RORB: variants seen among roughly 807,000 people sequenced by gnomAD.
RORB encodes RAR related orphan receptor B, also known as nuclear receptor ROR-beta.
In RORB, 6 loss-of-function variants were observed where a neutral mutation model predicts 59.1. The observed-to-expected ratio is 0.10, with a 90% CI of 0.06 to 0.20. The LOEUF (loss-of-function observed/expected upper bound fraction) is 0.20. RORB is among the 10% of genes least tolerant of loss of function. RORB has a pLI of 1.00. For missense variants in RORB, 320 were observed against 560.5 expected (o/e 0.57, Z 4.33); for synonymous variants, 215 against 204.5 (o/e 1.05, Z -0.44).
At chr9:74,630,192 C>A in intron 1 of RORB, 90 bp from the exon 2 acceptor site, 2 of 1,512,600 alleles carry the variant, frequency 1.3e-6, no homozygotes, top group East Asian at 2.3e-5. Flanking sequence ...ATACAAACAT[C>A]AAGGCAGAGA....
chr9:74,597,880 C>G (rs1298232272), intron 1 of RORB, among the ~76,000 whole-genome samples: 1 of 151,998 alleles, frequency 6.6e-6, no homozygotes, highest in African/African-American at 2.4e-5. Context: ...ATCGCTTGAA[C>G]CCGGGAGGCA....
intron 1 of RORB, among the ~76,000 whole-genome samples, chr9:74,537,156 A>G (rs1826333199): frequency 6.6e-6 from 1 of 152,030 alleles, no homozygotes; most frequent in African/African-American, 2.4e-5. Context: ...AATTTAATGT[A>G]GTTTTCTAGA....
intron 1 of RORB, among the ~76,000 whole-genome samples, chr9:74,568,737 A>C (rs1822506180): frequency 6.6e-6 from 1 of 151,714 alleles, no homozygotes; most frequent in Non-Finnish European, 1.5e-5. Flanking sequence ...ATTAACTGGA[A>C]GTTTGTCTTT....
intron 1 of RORB, among the ~76,000 whole-genome samples, chr9:74,599,132 G>A (rs924558227): frequency 7.9e-5 from 12 of 152,132 alleles, no homozygotes; most frequent in Admixed American, 2.6e-4. Context: ...AATTTTGGTG[G>A]TGACAAACTC....
chr9:74,547,568 T>C (rs1478352914), intron 1 of RORB, among the ~76,000 whole-genome samples: 1 of 152,176 alleles, frequency 6.6e-6, no homozygotes, highest in African/African-American at 2.4e-5. Context: ...TGATGATATT[T>C]GTACCCAGAT....
chr9:74,543,698 G>A (rs1041514909), intron 1 of RORB, among the ~76,000 whole-genome samples: 4 of 152,122 alleles, frequency 2.6e-5, no homozygotes, highest in African/African-American at 9.7e-5. Flanking sequence ...AAAACAAATT[G>A]AGTCAGTAAA....
chr9:74,584,374 T>A (rs1487757990), intron 1 of RORB, among the ~76,000 whole-genome samples: 2 of 152,246 alleles, frequency 1.3e-5, no homozygotes, highest in Non-Finnish European at 2.9e-5. Context: ...CCTCTCAGTT[T>A]TCTTATGCAA....
At chr9:74,588,636 G>A (rs1018366987) in intron 1 of RORB, among the ~76,000 whole-genome samples, 12 of 152,086 alleles carry the variant, frequency 7.9e-5, no homozygotes, top group South Asian at 2.1e-4. Context: ...TTCATCATCC[G>A]GTTAACTTTT....
chr9:74,583,870 A>G (rs1195891334), intron 1 of RORB, among the ~76,000 whole-genome samples: 1 of 152,216 alleles, frequency 6.6e-6, no homozygotes, highest in Non-Finnish European at 1.5e-5. Context: ...TCCCTCTATA[A>G]AGCAGAATTC....
At chr9:74,672,347 T>A (rs1824361398) in intron 9 of RORB, among the ~76,000 whole-genome samples, 1 of 152,198 alleles carries the variant, frequency 6.6e-6, no homozygotes, top group South Asian at 2.1e-4. Context: ...TGGACTACTG[T>A]GTAAAGCAGT....
chr9:74,520,012 G>A lies in RORB; in HGVS notation c.7+22029G>A, dbSNP rs149046813. Among the ~76,000 whole-genome samples the A allele has an allele frequency of 5.1e-4, 77 of 151,796 alleles. No individual in the cohort carries two copies. In the East Asian group the frequency reaches 7.4e-3, roughly 15 times the overall value. The stretch of plus-strand genomic sequence containing the variant: ...TATATATTATCCTTGAAAACTGAAA[G>A]GCCCACTTTGCTAACTGCTACACAC... On this transcript the variant is annotated intron_variant, in intron 1 of 9. Coordinates refer to ENST00000376896, the MANE Select transcript of RORB (RefSeq NM_006914.4).
At chr9:74,597,685 A>T (rs7852658) in intron 1 of RORB, among the ~76,000 whole-genome samples, 71,252 of 152,040 alleles carry the variant, frequency 0.47, 17,042 homozygotes, top group East Asian at 0.77. Context: ...GTGGCTGGGC[A>T]TGGTGGCTCA....
chr9:74,536,078 C>G (rs1357317042), intron 1 of RORB, among the ~76,000 whole-genome samples: 4 of 152,002 alleles, frequency 2.6e-5, no homozygotes, highest in African/African-American at 9.7e-5. Flanking sequence ...TATTTCTCTG[C>G]TTACATGAAG....
chr9:74,497,874 G>A lies in RORB; in HGVS notation c.-103G>A. 1 of 1,438,336 alleles carries A rather than the reference G, an allele frequency of 7.0e-7. No individual in the cohort carries two copies. Among genetic ancestry groups the A allele is most frequent in the African/African-American group, 1.4e-5 (1 of 71,520 alleles). The allele number at this position is 1,438,336 out of a possible 1,614,324, so 89.1% of individuals were successfully genotyped here. On this transcript the variant is annotated 5_prime_UTR_variant, in exon 1 of 10. Coordinates refer to ENST00000376896, the MANE Select transcript of RORB (RefSeq NM_006914.4). ...GGTTTTCTCGGCAGAGCAGCTCTTCGCCGACCACCTTCTTCACTCGTGCTG... is the reference window on the plus strand; with the variant it reads ...GGTTTTCTCGGCAGAGCAGCTCTTCACCGACCACCTTCTTCACTCGTGCTG...
chr9:74,691,244 G>T lies in RORB; in HGVS notation c.*5626G>T, dbSNP rs1051711905. Reference sequence around the variant, plus strand: ...TCATGGCCAAAAATAAAGCACAAGGGTTACCGGAATTGAATGAGCCCTGTT... The same window carrying T: ...TCATGGCCAAAAATAAAGCACAAGGTTTACCGGAATTGAATGAGCCCTGTT... On this transcript the variant is annotated 3_prime_UTR_variant, in exon 10 of 10. Transcript: ENST00000376896. 2 of 152,162 alleles carry T rather than the reference G, an allele frequency of 1.3e-5. No individual in the cohort carries two copies. The highest frequency in any genetic ancestry group is 2.4e-5 in the African/African-American group (1 of 41,424). The allele number at this position is 152,162 out of a possible 1,614,324, so 9.4% of individuals were successfully genotyped here. A position where few individuals can be genotyped will look rare whatever the true frequency, so the allele number is the denominator to read the frequency against.
intron 3 of RORB, among the ~76,000 whole-genome samples, chr9:74,640,201 A>G (rs1237391920): frequency 6.6e-6 from 1 of 152,146 alleles, no homozygotes; most frequent in African/African-American, 2.4e-5. Context: ...CAGTATCAGA[A>G]AGCCAGAATG....
At chr9:74,505,975 A>T (rs952578102) in intron 1 of RORB, among the ~76,000 whole-genome samples, 21 of 143,772 alleles carry the variant, frequency 1.5e-4, no homozygotes, top group South Asian at 4.3e-4. Flanking sequence ...AGCTTGTTTT[A>T]AAAAAAAAAA....
At chr9:74,547,541 G>C (rs1826519519) in intron 1 of RORB, among the ~76,000 whole-genome samples, 1 of 152,154 alleles carries the variant, frequency 6.6e-6, no homozygotes, top group Non-Finnish European at 1.5e-5. Flanking sequence ...AGAGTTGTCA[G>C]GGAGGCCTCA....
At chr9:74,571,518 T>C (rs978960169) in intron 1 of RORB, among the ~76,000 whole-genome samples, 1 of 152,186 alleles carries the variant, frequency 6.6e-6, no homozygotes, top group African/African-American at 2.4e-5. Flanking sequence ...AAAGTTATCG[T>C]TGTTAAAAGA....
Sources: allele counts gnomAD v4.1 joint callset (sites outside exome capture counted in the v4.1 genomes callset), GRCh38; gene constraint gnomAD v4.1.1; transcripts MANE v1.5; gene names NCBI Gene and HGNC (gene_info 2026-07-23, HGNC 2026-07-21).